Variants in SMLR1 observed in about 807,000 individuals in gnomAD.
The protein encoded by SMLR1 is small leucine-rich protein 1.
In SMLR1, 3 loss-of-function variants were observed where a neutral mutation model predicts 6.1. The observed-to-expected ratio is 0.49, with a 90% CI of 0.22 to 1.28. SMLR1 has a LOEUF of 1.28. Among genes scored for constraint, SMLR1 ranks in the 50% most tolerant of loss-of-function variants. The pLI, the probability that SMLR1 is intolerant of heterozygous loss-of-function variation, is 0.19. For synonymous variants in SMLR1, 55 were observed against 53.6 expected (o/e 1.03, Z -0.11); for missense variants, 126 against 124.8 (o/e 1.01, Z -0.05).
chr6:130,830,386 G>C (rs755217376), intron 1 of SMLR1, among the ~76,000 whole-genome samples: 19 of 152,092 alleles, frequency 1.2e-4, no homozygotes, highest in Non-Finnish European at 2.5e-4. Flanking sequence ...GGAATTACAG[G>C]AAGAGTGAGT....
At chr6:130,828,865 G>A (rs1244865931) in intron 1 of SMLR1, among the ~76,000 whole-genome samples, 1 of 152,166 alleles carries the variant, frequency 6.6e-6, no homozygotes. Flanking sequence ...TCTGTTGGAT[G>A]CTCTTGTCAC....
chr6:130,828,034 G>A (rs532852608), intron 1 of SMLR1, among the ~76,000 whole-genome samples: 1 of 146,834 alleles, frequency 6.8e-6, no homozygotes, highest in Non-Finnish European at 1.5e-5. Context: ...GTGGCCATGT[G>A]TGTGCATGTC....
intron 1 of SMLR1, among the ~76,000 whole-genome samples, chr6:130,829,222 C>G (rs1040997802): frequency 1.3e-5 from 2 of 152,106 alleles, no homozygotes; most frequent in Non-Finnish European, 2.9e-5. Context: ...CCTTATTGGC[C>G]TCTACTTCAC....
At chr6:130,830,683 A>G (rs1774414731) in intron 1 of SMLR1, among the ~76,000 whole-genome samples, 1 of 152,196 alleles carries the variant, frequency 6.6e-6, no homozygotes, top group South Asian at 2.1e-4. Flanking sequence ...GGAGGTCAGC[A>G]CAAGATACAG....
At position 130,827,670 on chromosome 6, in the gene SMLR1, A is replaced by C; in HGVS notation, c.238+19A>C. ...ATTGAGGGTAAGTGTGAGGCCACAC[A>C]AGGAAGAACTTGGGCATCCTTTCCC... On this transcript the variant is annotated intron_variant, in intron 1 of 1. Coordinates refer to ENST00000541421, the MANE Select transcript of SMLR1 (RefSeq NM_001195597.2). 1 of 1,525,908 alleles carries C rather than the reference A, an allele frequency of 6.6e-7. No individual in the cohort carries two copies. The highest frequency in any genetic ancestry group is 8.8e-7 in the Non-Finnish European group (1 of 1,137,778). 94.5% of individuals were successfully genotyped at this position (1,525,908 alleles called of 1,614,324 possible).
At chr6:130,831,425 A>C (rs1774444287) in intron 1 of SMLR1, among the ~76,000 whole-genome samples, 2 of 152,080 alleles carry the variant, frequency 1.3e-5, no homozygotes, top group Non-Finnish European at 2.9e-5. Flanking sequence ...TTTTAGGTTG[A>C]TCTGGTCCCT....
intron 1 of SMLR1, among the ~76,000 whole-genome samples, chr6:130,828,323 A>G (rs146662903): frequency 0.013 from 1,984 of 152,334 alleles, 28 homozygotes; most frequent in Middle Eastern, 0.044. Context: ...AAAATTAATG[A>G]AACTGGGCTG....
chr6:130,830,412 G>C (rs536039332), intron 1 of SMLR1, among the ~76,000 whole-genome samples: 5 of 152,088 alleles, frequency 3.3e-5, no homozygotes, highest in Admixed American at 6.6e-5. Flanking sequence ...GGCAGAAGGA[G>C]CTATTTACCA....
In SMLR1 at chr6:130,832,840, G is replaced by C. The variant is rs541986812; in HGVS notation, c.239-2030G>C. Among the ~76,000 whole-genome samples the C allele has an allele frequency of 1.9e-3, 292 of 152,222 alleles. 3 individuals are homozygous for C. The highest frequency in any genetic ancestry group is 6.4e-3 in the African/African-American group (267 of 41,560). On this transcript the variant is annotated intron_variant, in intron 1 of 1. Coordinates refer to ENST00000541421, the MANE Select transcript of SMLR1 (RefSeq NM_001195597.2). ...CTATCTGTTGAGTCCTTTTGGTCCA[G>C]ACAGATAAACTTACCACCAATTGTG...
intron 1 of SMLR1, among the ~76,000 whole-genome samples, chr6:130,829,111 T>A (rs918676246): frequency 6.6e-6 from 1 of 152,194 alleles, no homozygotes; most frequent in African/African-American, 2.4e-5. Context: ...ACTTGGAGAC[T>A]TCCTGTAGTT....
Position 130,829,761 on chromosome 6 carries a change from G to C in SMLR1, c.238+2110G>C, listed in dbSNP as rs150146138. Among the ~76,000 whole-genome samples the C allele has an allele frequency of 1.8e-3, 276 of 152,268 alleles. 3 individuals are homozygous for C. Among genetic ancestry groups the C allele is most frequent in the Middle Eastern group, 6.8e-3 (2 of 294 alleles). On this transcript the variant is annotated intron_variant, in intron 1 of 1. Transcript: ENST00000541421. ...TCATTCCAAATTCTGACATGCTACT[G>C]AGCTTTTCTTGACTTCTAGACTTGC...
rs1774595978 is a variant in SMLR1 at position 130,834,812 on chromosome 6, T to C, written c.239-58T>C. 3.5e-6 allele frequency: 5 copies of C among 1,444,306 alleles called. No homozygotes were observed. The East Asian group carries it at 9.9e-5, about 29-fold the overall frequency. The allele number at this position is 1,444,306 out of a possible 1,614,324, so 89.5% of individuals were successfully genotyped here. ...GCTGGCCAACAGCCCTTATGAACTC[T>C]AAATGACCAATGGCACTCAGATGTC... On this transcript the variant is annotated intron_variant, in intron 1 of 1. Coordinates refer to ENST00000541421, the MANE Select transcript of SMLR1 (RefSeq NM_001195597.2).
At chr6:130,833,093 G>A (rs994856662) in intron 1 of SMLR1, among the ~76,000 whole-genome samples, 4 of 152,126 alleles carry the variant, frequency 2.6e-5, no homozygotes, top group African/African-American at 4.8e-5. Context: ...ACTGCCTATC[G>A]AATCTCTCTG....
At chr6:130,832,421 C>T (rs1452612622) in intron 1 of SMLR1, among the ~76,000 whole-genome samples, 1 of 152,144 alleles carries the variant, frequency 6.6e-6, no homozygotes, top group East Asian at 1.9e-4. Context: ...TACAGGCTGG[C>T]TAGGCATCTT....
chr6:130,836,934 C>T lies in SMLR1; in HGVS notation c.*1979C>T, dbSNP rs945729960. On this transcript the variant is annotated 3_prime_UTR_variant, in exon 2 of 2. Coordinates refer to ENST00000541421, the MANE Select transcript of SMLR1 (RefSeq NM_001195597.2). ...CACCTAGACCAAGTCGGCAGTCTCC[C>T]TACATTACCCTACATTCAGCTGCAT... 3 of 152,182 alleles carry T rather than the reference C, an allele frequency of 2.0e-5. No homozygotes were observed. Among genetic ancestry groups the T allele is most frequent in the African/African-American group, 7.2e-5 (3 of 41,422 alleles). 9.4% of individuals were successfully genotyped at this position (152,182 alleles called of 1,614,324 possible).
chr6:130,829,431 G>A (rs1196169158), intron 1 of SMLR1, among the ~76,000 whole-genome samples: 1 of 152,168 alleles, frequency 6.6e-6, no homozygotes, highest in African/African-American at 2.4e-5. Flanking sequence ...AGAATACCCT[G>A]GAAAAGTCAA....
In SMLR1 at chr6:130,828,049, C is replaced by A. The variant is rs115993203; in HGVS notation, c.238+398C>A. ...GTGGCCATGTGTGTGCATGTCCGTG[C>A]GTGTGTATGCGCCCGTGTGTGCACA... On this transcript the variant is annotated intron_variant, in intron 1 of 1. Coordinates refer to ENST00000541421, the MANE Select transcript of SMLR1 (RefSeq NM_001195597.2). 6.0e-3 allele frequency among the ~76,000 whole-genome samples: 604 copies of A among 100,308 alleles called. 4 individuals are homozygous for A. Among genetic ancestry groups the A allele is most frequent in the African/African-American group, 0.02 (574 of 29,050 alleles). The allele number at this position is 100,308 out of a possible 152,430, so 65.8% of individuals were successfully genotyped here.
rs1228289444 is a variant in SMLR1 at position 130,836,377 on chromosome 6, AG to A, written c.*1423del. On this transcript the variant is annotated 3_prime_UTR_variant, in exon 2 of 2. Coordinates refer to ENST00000541421, the MANE Select transcript of SMLR1 (RefSeq NM_001195597.2). ...CTTATGTAAAAATGCTTTCTTTAACAGAAAGTGTGAAAGGACAGATCGTATT... is the reference window on the plus strand; with the variant it reads ...CTTATGTAAAAATGCTTTCTTTAACAAAAGTGTGAAAGGACAGATCGTATT... 6.6e-6 allele frequency: 1 copy of A among 152,204 alleles called. No individual in the cohort carries two copies. Among genetic ancestry groups the A allele is most frequent in the Non-Finnish European group, 1.5e-5 (1 of 68,028 alleles). The allele number at this position is 152,204 out of a possible 1,614,324, so 9.4% of individuals were successfully genotyped here. A position where few individuals can be genotyped will look rare whatever the true frequency, so the allele number is the denominator to read the frequency against.
intron 1 of SMLR1, among the ~76,000 whole-genome samples, chr6:130,830,999 C>G (rs1469991851): frequency 6.6e-6 from 1 of 152,216 alleles, no homozygotes; most frequent in African/African-American, 2.4e-5. Context: ...CCTTTACTTT[C>G]TTAATAAACT....
Sources: gnomAD v4.1 joint callset for allele counts (sites outside exome capture counted in the v4.1 genomes callset) on GRCh38, gnomAD v4.1.1 for gene constraint, MANE v1.5 for transcripts, NCBI Gene and HGNC (gene_info 2026-07-23, HGNC 2026-07-21) for gene names.